ZNF717: variants seen among roughly 807,000 people sequenced by gnomAD.
The protein encoded by ZNF717 is zinc finger protein 717, also known as krueppel-like factor X17.
Under a neutral mutation model 13.8 loss-of-function variants are expected in ZNF717, and 9 were observed. The ratio of observed to expected loss-of-function variants is 0.65; its 90% CI spans 0.39 to 1.14. The LOEUF (loss-of-function observed/expected upper bound fraction) is 1.14, where lower values mean the gene tolerates loss of function less well. ZNF717 is among the 50% of genes most tolerant of loss of function. The pLI, the probability that ZNF717 is intolerant of heterozygous loss-of-function variation, is 0.01. For missense variants in ZNF717, 1,040 were observed against 1,080.7 expected (o/e 0.96, Z 0.53); for synonymous variants, 327 against 364.1 (o/e 0.90, Z 1.16).
intron 2 of ZNF717, among the ~76,000 whole-genome samples, chr3:75,778,347 G>A (rs538498312): frequency 6.7e-5 from 10 of 148,150 alleles, no homozygotes; most frequent in African/African-American, 2.5e-4. Context: ...TGGGAGTGAC[G>A]TGCTAAACCA....
intron 2 of ZNF717, among the ~76,000 whole-genome samples, chr3:75,766,523 AC>A (rs1344133475): frequency 6.6e-6 from 1 of 152,262 alleles, no homozygotes; most frequent in Non-Finnish European, 1.5e-5. Context: ...GTACACACAC[AC>A]ACAAAACCTC....
At chr3:75,768,716 T>C (rs1943683075) in intron 2 of ZNF717, among the ~76,000 whole-genome samples, 1 of 142,996 alleles carries the variant, frequency 7.0e-6, no homozygotes, top group Non-Finnish European at 1.5e-5. Context: ...TGCGGCTGAG[T>C]GTGTGGGGGG....
At chr3:75,726,233 G>C (rs1938276094), downstream of ZNF717, among the ~76,000 whole-genome samples, 1 of 152,378 alleles carries the variant, frequency 6.6e-6, no homozygotes, top group South Asian at 2.1e-4. Context: ...GCATTGGGCT[G>C]TGTGCCCTGA....
chr3:75,767,871 A>C (rs1207650656), intron 2 of ZNF717, among the ~76,000 whole-genome samples: 1 of 152,062 alleles, frequency 6.6e-6, no homozygotes, highest in Non-Finnish European at 1.5e-5. Flanking sequence ...CAAAAGGCCA[A>C]AGTAAAAAAA....
chr3:75,776,866 G>T (rs74421494), intron 2 of ZNF717, among the ~76,000 whole-genome samples: 4 of 144,862 alleles, frequency 2.8e-5, no homozygotes, highest in Non-Finnish European at 4.6e-5. Context: ...GAGAAAACAT[G>T]GGGTATTATA....
downstream of ZNF717, among the ~76,000 whole-genome samples, chr3:75,705,396 A>G (rs1937784442): frequency 6.6e-6 from 1 of 152,308 alleles, no homozygotes; most frequent in Admixed American, 6.5e-5. Flanking sequence ...TGATGGAGGA[A>G]AAGACAAAAT....
intron 4 of ZNF717, among the ~76,000 whole-genome samples, chr3:75,723,651 CA>C (rs1938215285): frequency 6.6e-6 from 1 of 152,206 alleles, no homozygotes; most frequent in South Asian, 2.1e-4. Context: ...GACCAGGAGA[CA>C]AGAGTGCGAG....
chr3:75,719,600 C>T (rs1236600807), intron 4 of ZNF717, among the ~76,000 whole-genome samples: 2 of 151,996 alleles, frequency 1.3e-5, no homozygotes, highest in Non-Finnish European at 2.9e-5. Flanking sequence ...CAGTGTGTGC[C>T]CTAAGAAATT....
chr3:75,777,270 A>ACCGG (rs1271060425), intron 2 of ZNF717, among the ~76,000 whole-genome samples: 2 of 25,338 alleles, frequency 7.9e-5, no homozygotes, highest in Non-Finnish European at 1.6e-4. Flanking sequence ...GCTAAACCAA[A>ACCGG]AACCCAAAAC....
At chr3:75,706,909 C>T (rs1288654051), downstream of ZNF717, among the ~76,000 whole-genome samples, 5 of 152,410 alleles carry the variant, frequency 3.3e-5, no homozygotes, top group Admixed American at 1.3e-4. Context: ...TCCTCCAGGG[C>T]CTCTGGGCTT....
chr3:75,749,355 C>A (rs1371463316), intron 2 of ZNF717, among the ~76,000 whole-genome samples: 4 of 151,922 alleles, frequency 2.6e-5, no homozygotes, highest in African/African-American at 9.7e-5. Flanking sequence ...AAGTGTCTGT[C>A]CTTCATATAG....
chr3:75,755,429 G>A (rs1448983055), intron 2 of ZNF717, among the ~76,000 whole-genome samples: 1 of 151,822 alleles, frequency 6.6e-6, no homozygotes, highest in Non-Finnish European at 1.5e-5. Context: ...AAGGATGGGA[G>A]GGAGGAATTG....
At chr3:75,753,408 T>C (rs113291030) in intron 2 of ZNF717, among the ~76,000 whole-genome samples, 238 of 52,912 alleles carry the variant, frequency 4.5e-3, no homozygotes, top group Middle Eastern at 0.024. Flanking sequence ...AATGTTTGCC[T>C]CTCACATAGG....
chr3:75,749,154 A>G (rs1941448133), intron 2 of ZNF717, among the ~76,000 whole-genome samples: 1 of 150,512 alleles, frequency 6.6e-6, no homozygotes, highest in Non-Finnish European at 1.5e-5. Context: ...GAGGGTCTGA[A>G]TGGTTTGTCC....
At chr3:75,768,147 G>A (rs1423449226) in intron 2 of ZNF717, among the ~76,000 whole-genome samples, 4 of 147,560 alleles carry the variant, frequency 2.7e-5, no homozygotes, top group Non-Finnish European at 6.1e-5. Flanking sequence ...CGTTAGACAG[G>A]GCCTGCAGGG....
At chr3:75,706,508 C>T (rs1937805476), downstream of ZNF717, among the ~76,000 whole-genome samples, 1 of 152,408 alleles carries the variant, frequency 6.6e-6, no homozygotes, top group South Asian at 2.1e-4. Context: ...TCAGAGGCAG[C>T]CCCTGGGCCC....
intron 2 of ZNF717, among the ~76,000 whole-genome samples, chr3:75,764,990 G>GATATATATATATATATATATATAT (rs71101852): frequency 3.6e-4 from 37 of 102,312 alleles, no homozygotes; most frequent in Non-Finnish European, 4.8e-4. Flanking sequence ...TAAACAAAAG[G>GATATATATATATATATATATATAT]ATATATATAT....
At chr3:75,774,139 G>A (rs753471683) in intron 2 of ZNF717, among the ~76,000 whole-genome samples, 8 of 151,322 alleles carry the variant, frequency 5.3e-5, no homozygotes, top group Non-Finnish European at 8.8e-5. Flanking sequence ...AAGATTTTCA[G>A]GTAATATTAA....
At chr3:75,765,035 A>ATATATATATATGTG (rs1559662069) in intron 2 of ZNF717, among the ~76,000 whole-genome samples, 1 of 81,798 alleles carries the variant, frequency 1.2e-5, no homozygotes, top group African/African-American at 4.1e-5. Context: ...ATATATGTAT[A>ATATATATATATGTG]TGTGTGTGTG....
Sources: gnomAD v4.1 joint callset for allele counts (sites outside exome capture counted in the v4.1 genomes callset) on GRCh38, gnomAD v4.1.1 for gene constraint, MANE v1.5 for transcripts, NCBI Gene and HGNC (gene_info 2026-07-23, HGNC 2026-07-21) for gene names.